Variants in TNRC6B observed in about 807,000 individuals in gnomAD.
TNRC6B encodes trinucleotide repeat-containing gene 6B protein.
In TNRC6B, 52 loss-of-function variants were observed where a neutral mutation model predicts 203.6. The ratio of observed to expected loss-of-function variants is 0.26; its 90% CI spans 0.20 to 0.32. The LOEUF is 0.32. TNRC6B is among the 10% of genes least tolerant of loss of function. The probability of loss-of-function intolerance (pLI) is 1.00; values close to 1 mark genes in which losing one functional copy is unlikely to be tolerated. For synonymous variants in TNRC6B, 838 were observed against 845.7 expected (o/e 0.99, Z 0.16); for missense variants, 1,923 against 2,286.2 (o/e 0.84, Z 3.24).
chr22:40,245,982 G>A (rs2070101793), intron 1 of TNRC6B, 33 bp from the exon 2 acceptor site: 8 of 1,478,638 alleles, frequency 5.4e-6, no homozygotes, highest in African/African-American at 1.4e-5. Context: ...GAATGTAGAT[G>A]TATAACCTTC....
At chr22:40,113,130 G>T (rs1411194921) in intron 1 of TNRC6B, among the ~76,000 whole-genome samples, 5 of 152,170 alleles carry the variant, frequency 3.3e-5, no homozygotes, top group African/African-American at 1.2e-4. Flanking sequence ...GCTGGACTAG[G>T]AAGGGAAAGA....
intron 2 of TNRC6B, among the ~76,000 whole-genome samples, chr22:40,250,434 G>A (rs896988139): frequency 6.6e-6 from 1 of 151,842 alleles, no homozygotes; most frequent in Non-Finnish European, 1.5e-5. Context: ...TTCCATAGAC[G>A]TATTAGTTAC....
chr22:40,138,796 A>G (rs2068621939), intron 3 of TNRC6B, among the ~76,000 whole-genome samples: 2 of 152,168 alleles, frequency 1.3e-5, no homozygotes, highest in Non-Finnish European at 1.5e-5. Context: ...GAGCATGGAT[A>G]AGAATTCACT....
At chr22:40,103,333 C>T (rs917772397) in intron 1 of TNRC6B, among the ~76,000 whole-genome samples, 3 of 151,888 alleles carry the variant, frequency 2.0e-5, no homozygotes, top group Non-Finnish European at 2.9e-5. Flanking sequence ...AGAACATTTC[C>T]GTCAACCCAC....
At chr22:40,120,408 TC>T (rs886900319) in intron 2 of TNRC6B, among the ~76,000 whole-genome samples, 3 of 152,192 alleles carry the variant, frequency 2.0e-5, no homozygotes, top group African/African-American at 7.2e-5. Flanking sequence ...GGAAGGGTTT[TC>T]CAGTAGGGTG....
At chr22:40,322,405 GTACA>G (rs959779043) in intron 22 of TNRC6B, among the ~76,000 whole-genome samples, 1 of 152,148 alleles carries the variant, frequency 6.6e-6, no homozygotes, top group African/African-American at 2.4e-5. Flanking sequence ...ACTCGGCCTT[GTACA>G]GTATATGGTT....
intron 15 of TNRC6B, among the ~76,000 whole-genome samples, chr22:40,306,803 G>A (rs2071092381): frequency 6.6e-6 from 1 of 152,082 alleles, no homozygotes; most frequent in Non-Finnish European, 1.5e-5. Flanking sequence ...CTTGGCAATA[G>A]GGTGAAACCC....
At chr22:40,268,738 C>T (rs1373985665) in intron 5 of TNRC6B, among the ~76,000 whole-genome samples, 3 of 151,776 alleles carry the variant, frequency 2.0e-5, no homozygotes, top group Non-Finnish European at 2.9e-5. Context: ...GGTGAAACCC[C>T]GCCTCTACTA....
chr22:40,119,786 A>C (rs1344400387), intron 2 of TNRC6B, among the ~76,000 whole-genome samples: 2 of 151,846 alleles, frequency 1.3e-5, no homozygotes, highest in Non-Finnish European at 2.9e-5. Flanking sequence ...CTTACATGGA[A>C]CCCTTAGTTA....
At chr22:40,316,644 G>A (rs1484070829) in intron 21 of TNRC6B, among the ~76,000 whole-genome samples, 1 of 152,142 alleles carries the variant, frequency 6.6e-6, no homozygotes, top group Non-Finnish European at 1.5e-5. Context: ...GAGAGAGAGG[G>A]AAATAGATGT....
chr22:40,124,781 G>A (rs2146323445), intron 2 of TNRC6B, among the ~76,000 whole-genome samples: 1 of 152,204 alleles, frequency 6.6e-6, no homozygotes, highest in South Asian at 2.1e-4. Flanking sequence ...TTGGGAGTCT[G>A]AGGCGGTCGG....
chr22:40,258,101 T>TTTTTTTTTTTTTTC (rs869114055), intron 3 of TNRC6B, among the ~76,000 whole-genome samples: 2 of 108,414 alleles, frequency 1.8e-5, no homozygotes, highest in Admixed American at 8.5e-5. Context: ...TTTTTTTTTT[T>TTTTTTTTTTTTTTC]ACCCCACAAT....
chr22:40,285,169 G>A (rs567062098), intron 11 of TNRC6B, among the ~76,000 whole-genome samples: 41 of 152,292 alleles, frequency 2.7e-4, no homozygotes, highest in Non-Finnish European at 4.1e-4. Flanking sequence ...CCAGGACAAG[G>A]AAGGGTGCTA....
At chr22:40,232,668 T>A (rs947852235) in intron 1 of TNRC6B, among the ~76,000 whole-genome samples, 18 of 152,214 alleles carry the variant, frequency 1.2e-4, no homozygotes, top group African/African-American at 4.3e-4. Flanking sequence ...GCTTTCAAAT[T>A]GTTGGTTATA....
chr22:40,069,557 G>A (rs945131998), intron 1 of TNRC6B, among the ~76,000 whole-genome samples: 1 of 149,158 alleles, frequency 6.7e-6, no homozygotes, highest in Non-Finnish European at 1.5e-5. Flanking sequence ...GCGTGATCTC[G>A]GCTCACCGCA....
chr22:40,104,128 A>T (rs2068262517), intron 1 of TNRC6B, among the ~76,000 whole-genome samples: 1 of 151,934 alleles, frequency 6.6e-6, no homozygotes, highest in Non-Finnish European at 1.5e-5. Flanking sequence ...GCGGGTGCCT[A>T]TAATCCTAAC....
In TNRC6B at chr22:40,304,838, A is replaced by C. The variant is rs149501737; in HGVS notation, c.4120+3505A>C. Among the ~76,000 whole-genome samples, 868 of 152,364 alleles carry C rather than the reference A, an allele frequency of 5.7e-3. 24 individuals are homozygous for C. Among genetic ancestry groups the C allele is most frequent in the Admixed American group, 0.053 (805 of 15,308 alleles). On this transcript the variant is annotated intron_variant, in intron 15 of 22. Transcript: ENST00000454349. Reference sequence around the variant, plus strand: ...ATAAATATTGGAGATTATAAAAATGACAGAAGAGTAATTGTATCTATGCTG... The same window carrying C: ...ATAAATATTGGAGATTATAAAAATGCCAGAAGAGTAATTGTATCTATGCTG...
intron 1 of TNRC6B, among the ~76,000 whole-genome samples, chr22:40,073,285 C>T (rs1450867178): frequency 3.3e-5 from 5 of 151,638 alleles, no homozygotes; most frequent in Non-Finnish European, 1.5e-5. Flanking sequence ...TAATATAGAA[C>T]ACGTTTTTTG....
At chr22:40,075,156 A>ATATATTTTTT in intron 1 of TNRC6B, among the ~76,000 whole-genome samples, 9 of 35,556 alleles carry the variant, frequency 2.5e-4, no homozygotes, top group East Asian at 7.5e-4. Context: ...ATATATATAT[A>ATATATTTTTT]TTTTTTTTTT....
Sources: gnomAD v4.1 joint callset for allele counts (sites outside exome capture counted in the v4.1 genomes callset) on GRCh38, gnomAD v4.1.1 for gene constraint, MANE v1.5 for transcripts, NCBI Gene and HGNC (gene_info 2026-07-23, HGNC 2026-07-21) for gene names.